The following CAMTA1 variants were observed in gnomAD, a reference collection of about 807,000 sequenced individuals.
CAMTA1 encodes calmodulin binding transcription activator 1.
CAMTA1 carries 27 observed loss-of-function variants against 170.9 expected under a neutral mutation model. That is an observed-to-expected ratio of 0.16 (90% confidence interval 0.12 to 0.22). CAMTA1 has a LOEUF of 0.22. Among genes scored for constraint, CAMTA1 ranks in the 10% least tolerant of loss-of-function variants. CAMTA1 has a pLI of 1.00. For missense variants in CAMTA1, 1,619 were observed against 2,217.2 expected, an observed-to-expected ratio of 0.73 and a Z score of 5.42; for synonymous variants, 833 against 891.5, an observed-to-expected ratio of 0.93 and a Z score of 1.17.
chr1:7,716,427 A>C (rs944431758), intron 11 of CAMTA1, among the ~76,000 whole-genome samples: 1 of 152,190 alleles, frequency 6.6e-6, no homozygotes, highest in Admixed American at 6.5e-5. Context: ...GAATCCAGCT[A>C]TTTATTTTAA....
At chr1:7,391,911 A>C (rs1042356372) in intron 5 of CAMTA1, among the ~76,000 whole-genome samples, 2 of 152,156 alleles carry the variant, frequency 1.3e-5, no homozygotes, top group Non-Finnish European at 2.9e-5. Flanking sequence ...CCATTCACCT[A>C]TTGAAGGATG....
chr1:7,261,177 C>A (rs1184462565), intron 5 of CAMTA1, among the ~76,000 whole-genome samples: 1 of 152,180 alleles, frequency 6.6e-6, no homozygotes, highest in African/African-American at 2.4e-5. Flanking sequence ...ACATAAATTC[C>A]ACAGCAAGTG....
chr1:7,697,468 C>T (rs2096388780), intron 11 of CAMTA1, among the ~76,000 whole-genome samples: 1 of 152,190 alleles, frequency 6.6e-6, no homozygotes, highest in Non-Finnish European at 1.5e-5. Context: ...CCATGCCTTC[C>T]CACCACCTGA....
At chr1:7,556,143 A>C (rs2094873984) in intron 6 of CAMTA1, among the ~76,000 whole-genome samples, 1 of 152,148 alleles carries the variant, frequency 6.6e-6, no homozygotes, top group South Asian at 2.1e-4. Context: ...GCTTTGGAGA[A>C]ATTCCTGGGG....
intron 4 of CAMTA1, among the ~76,000 whole-genome samples, chr1:7,168,554 C>T (rs1648965598): frequency 6.6e-6 from 1 of 152,090 alleles, no homozygotes; most frequent in Admixed American, 6.6e-5. Context: ...AGGCGTGCAC[C>T]ACCACACCCA....
At chr1:6,858,311 C>T (rs536308528) in intron 3 of CAMTA1, among the ~76,000 whole-genome samples, 1 of 152,128 alleles carries the variant, frequency 6.6e-6, no homozygotes, top group South Asian at 2.1e-4. Context: ...ACTACTTATC[C>T]TTAGGGACAT....
intron 3 of CAMTA1, among the ~76,000 whole-genome samples, chr1:7,037,003 G>A (rs1442116452): frequency 6.6e-6 from 1 of 152,154 alleles, no homozygotes; most frequent in Non-Finnish European, 1.5e-5. Context: ...TTCTTCATCG[G>A]TTTTATAATG....
chr1:7,689,568 G>A (rs1388300154), intron 11 of CAMTA1, among the ~76,000 whole-genome samples: 3 of 151,698 alleles, frequency 2.0e-5, no homozygotes, highest in South Asian at 2.1e-4. Flanking sequence ...GACAGAGCGA[G>A]ACCATCTCAA....
Position 7,499,309 on chromosome 1 carries a change from A to T in CAMTA1, c.510+31408A>T, listed in dbSNP as rs111203660. ...CCTGGTGTGCGTGTGTATGTATATG[A>T]GTGTGTGTGCATGTGTGTACATGTG... is the stretch of plus-strand genomic sequence containing the variant. On this transcript the variant is annotated intron_variant, in intron 6 of 22. Transcript: ENST00000303635. Among the ~76,000 whole-genome samples, 15 of 57,614 alleles carry T rather than the reference A, an allele frequency of 2.6e-4. 1 individual carries two copies. Among genetic ancestry groups the T allele is most frequent in the East Asian group, 8.0e-4 (1 of 1,248 alleles). The allele number at this position is 57,614 out of a possible 152,430, so 37.8% of individuals were successfully genotyped here.
intron 3 of CAMTA1, among the ~76,000 whole-genome samples, chr1:6,913,966 C>T (rs1221390362): frequency 6.6e-6 from 1 of 152,040 alleles, no homozygotes; most frequent in Non-Finnish European, 1.5e-5. Flanking sequence ...GCTACAAGGC[C>T]AGCTTCTTCA....
At chr1:7,175,594 G>A (rs566940525) in intron 4 of CAMTA1, among the ~76,000 whole-genome samples, 2 of 152,392 alleles carry the variant, frequency 1.3e-5, no homozygotes, top group South Asian at 2.1e-4. Flanking sequence ...GGGGGCTGCA[G>A]GCTGGGGAGG....
rs1297733143 is a variant in CAMTA1, at chr1:7,293,720, C to T, written c.438+44094C>T. Among the ~76,000 whole-genome samples, 1 of 152,162 alleles carries T rather than the reference C, an allele frequency of 6.6e-6. No individual in the cohort carries two copies. The highest frequency in any genetic ancestry group is 1.9e-4 in the East Asian group (1 of 5,174). ...AAACATGAATTATCCCAGCTTAATG[C>T]TTCAAGTTATTGGGGTTCCCCTGGG... is the stretch of plus-strand genomic sequence containing the variant. On this transcript the variant is annotated intron_variant, in intron 5 of 22. Coordinates refer to ENST00000303635, the MANE Select transcript of CAMTA1 (RefSeq NM_015215.4). The surrounding 1 kb of genome is among the most constrained non-coding windows in gnomAD (Gnocchi z 4.1).
intron 5 of CAMTA1, among the ~76,000 whole-genome samples, chr1:7,440,695 G>A (rs965409585): frequency 4.6e-5 from 7 of 152,182 alleles, no homozygotes; most frequent in Non-Finnish European, 7.3e-5. Context: ...GGTCCTGCCT[G>A]CTTGGAGCCT....
At chr1:7,036,542 A>C (rs1703623498) in intron 3 of CAMTA1, among the ~76,000 whole-genome samples, 1 of 152,208 alleles carries the variant, frequency 6.6e-6, no homozygotes, top group Non-Finnish European at 1.5e-5. Context: ...AGCATTCAGA[A>C]AGGTTAAGTT....
chr1:7,466,282 C>T (rs1340620480), intron 5 of CAMTA1, among the ~76,000 whole-genome samples: 1 of 152,222 alleles, frequency 6.6e-6, no homozygotes, highest in Non-Finnish European at 1.5e-5. Context: ...ATAATAAATA[C>T]ATTTCATGGG....
intron 16 of CAMTA1, among the ~76,000 whole-genome samples, chr1:7,741,954 T>G (rs2096821590): frequency 6.6e-6 from 1 of 151,410 alleles, no homozygotes; most frequent in Admixed American, 6.6e-5. Context: ...GTTTTTTTTT[T>G]TTTTTTTAAA....
chr1:6,860,389 G>T (rs1177916536), intron 3 of CAMTA1, among the ~76,000 whole-genome samples: 1 of 152,106 alleles, frequency 6.6e-6, no homozygotes, highest in East Asian at 1.9e-4. Context: ...AAATAAGATG[G>T]TTATTATTGA....
intron 7 of CAMTA1, among the ~76,000 whole-genome samples, chr1:7,653,120 A>C (rs1207615676): frequency 1.3e-5 from 2 of 152,074 alleles, no homozygotes; most frequent in African/African-American, 4.8e-5. Context: ...GGGGCCTGAG[A>C]ATGTGCGTTT....
At chr1:7,411,269 G>T (rs1248503829) in intron 5 of CAMTA1, among the ~76,000 whole-genome samples, 3 of 152,126 alleles carry the variant, frequency 2.0e-5, no homozygotes, top group African/African-American at 4.8e-5. Context: ...ATGAGCAGGG[G>T]TCCCCCTCTT....
Sources: gnomAD v4.1 joint callset for allele counts (sites outside exome capture counted in the v4.1 genomes callset) on GRCh38, gnomAD v4.1.1 for gene constraint, Gnocchi (gnomAD v3.1) non-coding constraint, MANE v1.5 for transcripts, NCBI Gene and HGNC (gene_info 2026-07-23, HGNC 2026-07-21) for gene names.